The following SNTG1 variants were observed in gnomAD, a reference collection of about 807,000 sequenced individuals.
SNTG1 encodes syntrophin gamma 1.
Under a neutral mutation model 74.7 loss-of-function variants are expected in SNTG1, and 39 were observed. The observed-to-expected ratio is 0.52, with a 90% CI of 0.40 to 0.68. SNTG1 has a LOEUF of 0.68. Among genes scored for constraint, SNTG1 ranks in the 30% least tolerant of loss-of-function variants. The pLI, the probability that SNTG1 is intolerant of heterozygous loss-of-function variation, is 0.00. For synonymous variants in SNTG1, 254 were observed against 217.1 expected (o/e 1.17, Z -1.49); for missense variants, 685 against 609.5 (o/e 1.12, Z -1.30).
At position 49,970,052 on chromosome 8, in the gene SNTG1, T is replaced by A. The variant is rs149854750; in HGVS notation, c.-103+57821T>A. 1.9e-3 allele frequency among the ~76,000 whole-genome samples: 296 copies of A among 152,180 alleles called. 3 individuals are homozygous for A. The highest frequency in any genetic ancestry group is 0.017 in the Admixed American group (261 of 15,266). ...ATACAAATACTTATTAAGGAAACAG[T>A]TAGACCAATCTCAGGGTGACTTGAG... On this transcript the variant is annotated intron_variant, in intron 1 of 18. Coordinates refer to ENST00000642720, the MANE Select transcript of SNTG1 (RefSeq NM_018967.5).
chr8:49,928,169 AAAT>A (rs920166085), intron 1 of SNTG1, among the ~76,000 whole-genome samples: 4 of 148,838 alleles, frequency 2.7e-5, no homozygotes, highest in Admixed American at 2.0e-4. Flanking sequence ...ATAAATAAAT[AAAT>A]AAATAAATAA....
At chr8:50,471,937 A>T (rs2093657238) in intron 8 of SNTG1, among the ~76,000 whole-genome samples, 1 of 152,180 alleles carries the variant, frequency 6.6e-6, no homozygotes, top group Non-Finnish European at 1.5e-5. Context: ...AAAACATTAA[A>T]GGAAATTTTA....
chr8:50,384,052 G>A (rs1462651735), intron 2 of SNTG1, among the ~76,000 whole-genome samples: 3 of 152,300 alleles, frequency 2.0e-5, no homozygotes. Flanking sequence ...TAAGTAGAGA[G>A]TAATACTGAG....
At chr8:49,951,826 A>G (rs1461325719) in intron 1 of SNTG1, among the ~76,000 whole-genome samples, 1 of 146,928 alleles carries the variant, frequency 6.8e-6, no homozygotes, top group Non-Finnish European at 1.5e-5. Context: ...CTGACCATCA[A>G]GGACTTAAAC....
chr8:50,019,496 G>A (rs925982231), intron 1 of SNTG1, among the ~76,000 whole-genome samples: 3 of 151,998 alleles, frequency 2.0e-5, no homozygotes, highest in Non-Finnish European at 2.9e-5. Flanking sequence ...AAGTCTCTTA[G>A]TTTATCTTGC....
At chr8:50,709,088 T>G in intron 17 of SNTG1, 110 bp downstream of exon 17, 1 of 843,974 alleles carries the variant, frequency 1.2e-6, no homozygotes, top group Non-Finnish European at 1.9e-6. Context: ...CGTGTCAAAT[T>G]TAAGATCTTC....
intron 5 of SNTG1, 23 bp from the exon 6 acceptor site, chr8:50,449,645 A>G (rs755264023): frequency 1.3e-6 from 2 of 1,564,736 alleles, no homozygotes; most frequent in South Asian, 1.2e-5. Flanking sequence ...TAAAAAGTAC[A>G]ATATATGATT....
At chr8:50,305,524 A>ATG (rs5891361) in intron 2 of SNTG1, among the ~76,000 whole-genome samples, 71,259 of 145,594 alleles carry the variant, frequency 0.49, 19,058 homozygotes, top group East Asian at 0.78. Flanking sequence ...GTTTGTGCTT[A>ATG]TGTGTGTGTG....
intron 1 of SNTG1, among the ~76,000 whole-genome samples, chr8:50,133,536 T>C (rs1401799795): frequency 6.6e-6 from 1 of 152,140 alleles, no homozygotes; most frequent in Non-Finnish European, 1.5e-5. Flanking sequence ...TTCTCAAAGT[T>C]CTTAAGGCTA....
intron 9 of SNTG1, among the ~76,000 whole-genome samples, chr8:50,515,387 G>GTTTTTTTTTTTTTT (rs34086906): frequency 9.9e-5 from 8 of 80,440 alleles, no homozygotes; most frequent in African/African-American, 1.4e-4. Context: ...AGCTGCAGGA[G>GTTTTTTTTTTTTTT]TTTTTTTTTT....
intron 2 of SNTG1, among the ~76,000 whole-genome samples, chr8:50,272,392 C>G (rs1172052400): frequency 6.6e-6 from 1 of 152,178 alleles, no homozygotes; most frequent in African/African-American, 2.4e-5. Flanking sequence ...AACTTTCTGT[C>G]TTTCCCTGGA....
intron 13 of SNTG1, among the ~76,000 whole-genome samples, chr8:50,628,578 T>G (rs1251440003): frequency 6.6e-6 from 1 of 152,152 alleles, no homozygotes; most frequent in Non-Finnish European, 1.5e-5. Context: ...TGTTCGTTCT[T>G]TGAGTGTTCA....
At chr8:50,437,580 T>C (rs2093317332) in intron 4 of SNTG1, among the ~76,000 whole-genome samples, 1 of 152,266 alleles carries the variant, frequency 6.6e-6, no homozygotes, top group Non-Finnish European at 1.5e-5. Flanking sequence ...AGTATTTACA[T>C]TTGGAAATGG....
chr8:50,464,294 T>G (rs767428225), intron 8 of SNTG1, among the ~76,000 whole-genome samples: 10 of 152,230 alleles, frequency 6.6e-5, no homozygotes, highest in Non-Finnish European at 8.8e-5. Context: ...TAACTGCTTG[T>G]GCAAGAAGCC....
chr8:50,594,549 G>A (rs1030773624), intron 13 of SNTG1, among the ~76,000 whole-genome samples: 1 of 151,794 alleles, frequency 6.6e-6, no homozygotes, highest in Non-Finnish European at 1.5e-5. Context: ...GACATTTGAC[G>A]AACCATAATA....
At chr8:50,618,570 C>T (rs985909045) in intron 13 of SNTG1, among the ~76,000 whole-genome samples, 40 of 152,200 alleles carry the variant, frequency 2.6e-4, no homozygotes, top group African/African-American at 9.4e-4. Flanking sequence ...GGCCAAGATT[C>T]CTGAAAAACT....
chr8:50,464,852 A>T (rs2093595615), intron 8 of SNTG1, among the ~76,000 whole-genome samples: 1 of 152,108 alleles, frequency 6.6e-6, no homozygotes, highest in African/African-American at 2.4e-5. Context: ...ATCTGAAAAA[A>T]GTATCCATTT....
At chr8:50,455,196 C>T (rs533691218) in intron 8 of SNTG1, among the ~76,000 whole-genome samples, 39 of 152,194 alleles carry the variant, frequency 2.6e-4, no homozygotes, top group African/African-American at 8.9e-4. Flanking sequence ...ATAATCTATT[C>T]GTATAACTGA....
At chr8:50,572,646 C>G (rs556637785) in intron 12 of SNTG1, among the ~76,000 whole-genome samples, 1 of 152,166 alleles carries the variant, frequency 6.6e-6, no homozygotes, top group African/African-American at 2.4e-5. Flanking sequence ...AAAATATGAG[C>G]TGAAATGTGA....
Sources: allele counts gnomAD v4.1 joint callset (sites outside exome capture counted in the v4.1 genomes callset), GRCh38; gene constraint gnomAD v4.1.1; transcripts MANE v1.5; gene names NCBI Gene and HGNC (gene_info 2026-07-23, HGNC 2026-07-21).